RAD50: variants seen among roughly 807,000 people sequenced by gnomAD.
The protein encoded by RAD50 is RAD50 double strand break repair protein.
RAD50 carries 132 observed loss-of-function variants against 168.8 expected under a neutral mutation model. The observed-to-expected ratio is 0.78, with a 90% CI of 0.68 to 0.90. The LOEUF (loss-of-function observed/expected upper bound fraction) is 0.90. Ranked by LOEUF, RAD50 falls within the 40% of genes least tolerant of loss-of-function variation. RAD50 has a pLI of 0.00. For missense variants in RAD50, 1,347 were observed against 1,534.4 expected (o/e 0.88, Z 2.04); for synonymous variants, 525 against 497.4 (o/e 1.06, Z -0.74).
chr5:132,598,310 A>T (rs922134688), intron 13 of RAD50, among the ~76,000 whole-genome samples: 1 of 152,116 alleles, frequency 6.6e-6, no homozygotes, highest in Non-Finnish European at 1.5e-5. Flanking sequence ...TCAGCCTCCC[A>T]AAGTGCTGGG....
chr5:132,558,685 G>A (rs1323931998), intron 1 of RAD50, among the ~76,000 whole-genome samples: 2 of 134,776 alleles, frequency 1.5e-5, no homozygotes, highest in Admixed American at 8.7e-5. Context: ...CACTACACCA[G>A]CCTGGGTGAC....
At chr5:132,557,903 G>A (rs890964595) in intron 1 of RAD50, among the ~76,000 whole-genome samples, 1 of 152,008 alleles carries the variant, frequency 6.6e-6, no homozygotes, top group Non-Finnish European at 1.5e-5. Flanking sequence ...CATAATACAT[G>A]GAAAATAAAT....
intron 13 of RAD50, among the ~76,000 whole-genome samples, chr5:132,600,316 G>A (rs73259679): frequency 3.3e-5 from 5 of 152,154 alleles, no homozygotes; most frequent in African/African-American, 9.7e-5. Context: ...GGTAGGAGGG[G>A]ACTTGATGAA....
rs202047873 is a variant in RAD50, at chr5:132,604,050, A to T, written c.2524+4A>T. The T allele has an allele frequency of 1.9e-6, 3 of 1,613,340 alleles. No homozygotes were observed. The East Asian group carries it at 6.7e-5, about 36-fold the overall frequency. On this transcript the variant is annotated splice_donor_region_variant and intron_variant, in intron 15 of 24. Coordinates refer to ENST00000378823, the MANE Select transcript of RAD50 (RefSeq NM_005732.4). ...AAACAGCACAAGTTAGACACAGGTA[A>T]TACAGTCTGTGTCCTTCTGTACTCA...
At position 132,621,459 on chromosome 5, in the gene RAD50, C is replaced by T. The variant is rs987398403; in HGVS notation, c.3389+3165C>T. ...AATTATTGTGGTGGTTTCATAAGCC[C>T]GCATGTTTCCCAATTTCTTTGTTCA... On this transcript the variant is annotated intron_variant, in intron 21 of 24. Transcript: ENST00000378823. Among the ~76,000 whole-genome samples the T allele has an allele frequency of 2.6e-5, 4 of 152,100 alleles. 1 individual carries two copies. Among genetic ancestry groups the T allele is most frequent in the African/African-American group, 4.8e-5 (2 of 41,398 alleles).
chr5:132,580,100 G>A (rs1221891735), intron 5 of RAD50, 34 bp downstream of exon 5: 9 of 1,517,868 alleles, frequency 5.9e-6, no homozygotes, highest in South Asian at 3.4e-5. Context: ...GACAAAAATT[G>A]TATATCTTTA....
chr5:132,620,539 C>T (rs75569496), intron 21 of RAD50, among the ~76,000 whole-genome samples: 6,206 of 152,228 alleles, frequency 0.041, 356 homozygotes, highest in African/African-American at 0.13. Context: ...CTTTCATATT[C>T]ATTCTGATTA....
chr5:132,646,092 C>CAAAAAAAAAAAAAAAAAAAAAAAA lies in RAD50; in HGVS notation c.*3749_*3750insAAAAAAAAAAAAAAAAAAAAAAAA, dbSNP rs757145249. 3.9e-5 allele frequency: 3 copies of CAAAAAAAAAAAAAAAAAAAAAAAA among 77,170 alleles called. No homozygotes were observed. Among genetic ancestry groups the CAAAAAAAAAAAAAAAAAAAAAAAA allele is most frequent in the African/African-American group, 1.4e-4 (3 of 22,120 alleles). The allele number at this position is 77,170 out of a possible 1,614,324, so 4.8% of individuals were successfully genotyped here. ...CAGAGTGAGACCCTGTCTAAAAAGA[C>CAAAAAAAAAAAAAAAAAAAAAAAA]AAAAAAAAAAAAAAAAAAAAAGCAG... is the stretch of plus-strand genomic sequence containing the variant. On this transcript the variant is annotated 3_prime_UTR_variant, in exon 25 of 25. Coordinates refer to ENST00000378823, the MANE Select transcript of RAD50 (RefSeq NM_005732.4).
At chr5:132,604,092 G>T in intron 15 of RAD50, 46 bp downstream of exon 15, 1 of 1,603,114 alleles carries the variant, frequency 6.2e-7, no homozygotes, top group Non-Finnish European at 8.5e-7. Flanking sequence ...CTTTGACATT[G>T]CGAGCACATG....
At chr5:132,606,264 G>T (rs576355279) in intron 16 of RAD50, among the ~76,000 whole-genome samples, 12 of 152,016 alleles carry the variant, frequency 7.9e-5, no homozygotes, top group Non-Finnish European at 1.8e-4. Context: ...GAATCAAATA[G>T]ATGCAATAAA....
At chr5:132,615,368 A>G (rs1751157439) in intron 19 of RAD50, among the ~76,000 whole-genome samples, 1 of 152,196 alleles carries the variant, frequency 6.6e-6, no homozygotes, top group Admixed American at 6.5e-5. Flanking sequence ...GTTCATAGAT[A>G]TATGCTACTA....
chr5:132,579,336 C>G lies in RAD50; in HGVS notation c.385C>G (p.Leu129Val), dbSNP rs1010374593. 1.2e-6 allele frequency: 2 copies of G among 1,613,754 alleles called. No individual in the cohort carries two copies. Among genetic ancestry groups the G allele is most frequent in the Non-Finnish European group, 1.7e-6 (2 of 1,179,928 alleles). ...TRTKHGEKVS[L>V]SSKCAEIDRE... The stretch of plus-strand genomic sequence containing the variant: ...CTGTAGGCATGGTGAAAAGGTCAGT[C>G]TGAGCTCTAAGTGTGCAGAAATTGA... Residue 129 changes from leucine (L) to valine (V), a missense_variant, in exon 4 of 25, where the codon CTG becomes GTG. Leu to Val is a conservative substitution (Grantham distance 32). Coordinates refer to ENST00000378823, the MANE Select transcript of RAD50 (RefSeq NM_005732.4).
intron 23 of RAD50, among the ~76,000 whole-genome samples, chr5:132,640,258 G>A (rs1029746639): frequency 7.9e-5 from 12 of 152,178 alleles, no homozygotes; most frequent in African/African-American, 2.7e-4. Context: ...TCTAGAAAAC[G>A]TGTCGAAGTT....
At chr5:132,636,681 C>G (rs1751587145) in intron 21 of RAD50, among the ~76,000 whole-genome samples, 1 of 152,180 alleles carries the variant, frequency 6.6e-6, no homozygotes, top group Non-Finnish European at 1.5e-5. Context: ...AACCGTAAAC[C>G]TTCTACCCTT....
chr5:132,603,201 A>C, intron 13 of RAD50, 99 bp from the exon 14 acceptor site: 1 of 1,100,404 alleles, frequency 9.1e-7, no homozygotes. Context: ...TGAAAAGAAC[A>C]CAATGTCACT....
Position 132,576,810 on chromosome 5 carries a change from C to CT in RAD50, c.365+883dup, listed in dbSNP as rs144756890. ...CCTCTGACTAAAGTTACTAATAACT[C>CT]TGTTTTTAATTAGGGTAATGCTGCT... On this transcript the variant is annotated intron_variant, in intron 3 of 24. Coordinates refer to ENST00000378823, the MANE Select transcript of RAD50 (RefSeq NM_005732.4). 6.4e-3 allele frequency among the ~76,000 whole-genome samples: 977 copies of CT among 152,298 alleles called. 14 individuals carry two copies. The highest frequency in any genetic ancestry group is 0.022 in the African/African-American group (926 of 41,558).
At position 132,642,178 on chromosome 5, in the gene RAD50, G is replaced by A. The variant is rs762792547; in HGVS notation, c.3753G>A (p.Glu1251=). The A allele has an allele frequency of 6.2e-7, 1 of 1,613,230 alleles. No individual in the cohort carries two copies. Among genetic ancestry groups the A allele is most frequent in the Admixed American group, 1.7e-5 (1 of 60,028 alleles). The change falls in exon 25 of 25, where the codon GAG becomes GAA. Residue 1251 remains glutamate (E), a splice_region_variant and synonymous_variant. Coordinates refer to ENST00000378823, the MANE Select transcript of RAD50 (RefSeq NM_005732.4). ...ATATGTTCTGAATATATTGTTGCAG[G>A]ATAATAAAAAGTCGCTCACAGCAGC... ...NIESLAHALV[E]IIKSRSQQRN... is the part of the protein sequence containing the mutation.
At chr5:132,589,448 C>T (rs924347051) in intron 8 of RAD50, among the ~76,000 whole-genome samples, 183 bp from the exon 9 acceptor site, 2 of 152,142 alleles carry the variant, frequency 1.3e-5, no homozygotes, top group African/African-American at 4.8e-5. Context: ...TATGTAAATA[C>T]ATTCTGATGT....
intron 5 of RAD50, among the ~76,000 whole-genome samples, chr5:132,584,883 G>A (rs1393110658): frequency 6.9e-6 from 1 of 143,908 alleles, no homozygotes; most frequent in Non-Finnish European, 1.5e-5. Flanking sequence ...CTCATAGGTG[G>A]GAATTGAACA....
Sources: allele counts gnomAD v4.1 joint callset (sites outside exome capture counted in the v4.1 genomes callset), GRCh38; gene constraint gnomAD v4.1.1; transcripts MANE v1.5; gene names NCBI Gene and HGNC (gene_info 2026-07-23, HGNC 2026-07-21).